CEP78: variants seen among roughly 807,000 people sequenced by gnomAD.
CEP78 encodes centrosomal protein of 78 kDa.
Under a neutral mutation model 81.2 loss-of-function variants are expected in CEP78, and 76 were observed. The observed-to-expected ratio is 0.94, with a 90% CI of 0.78 to 1.13. The LOEUF is 1.13. Ranked by LOEUF, CEP78 falls within the 50% of genes most tolerant of loss-of-function variation. CEP78 has a pLI of 0.00. For missense variants in CEP78, 918 were observed against 846.8 expected (o/e 1.08, Z -1.04); for synonymous variants, 293 against 301.4 (o/e 0.97, Z 0.29).
chr9:78,250,209 A>G (rs1432982586), intron 8 of CEP78: 2 of 398,028 alleles, frequency 5.0e-6, no homozygotes, highest in Non-Finnish European at 8.9e-6. Context: ...TTTTAAGAGT[A>G]ACTTTATTTC....
chr9:78,266,367 A>G, intron 15 of CEP78, 75 bp from the exon 16 acceptor site: 1 of 1,086,860 alleles, frequency 9.2e-7, no homozygotes, highest in East Asian at 2.4e-5. Flanking sequence ...ACAGAATAAC[A>G]TTGACGTTTT....
In CEP78 at chr9:78,251,932, G is replaced by A. The variant is rs756597932; in HGVS notation, c.1094G>A (p.Ser365Asn). 1 of 1,608,244 alleles carries A rather than the reference G, an allele frequency of 6.2e-7. No individual in the cohort carries two copies. The highest frequency in any genetic ancestry group is 8.5e-7 in the Non-Finnish European group (1 of 1,176,008). Reference sequence around the variant, plus strand: ...GGATTGGCTACAAAGAAACCTGTAAGTAGTGGCAGAAAACACTCCCTTGGT... The same window carrying A: ...GGATTGGCTACAAAGAAACCTGTAAATAGTGGCAGAAAACACTCCCTTGGT... The part of the protein sequence containing the change: ...RIGLATKKPV[S>N]SGRKHSLGKE... The change falls in exon 9 of 17, where the codon AGT (serine) becomes AAT (asparagine). Residue 365 changes from serine to asparagine, a missense_variant. Physicochemically the swap from Ser to Asn is conservative, Grantham distance 46. Coordinates refer to ENST00000643273, the MANE Select transcript of CEP78 (RefSeq NM_001330691.3).
Position 78,277,354 on chromosome 9 carries a change from T to C in CEP78, c.*6503T>C, listed in dbSNP as rs1455619850. Reference sequence around the variant, plus strand: ...TACAAAACTTTGATAAAATTAGATTTCATAAATAAAGGAGTGGGAAAATAC... The same window carrying C: ...TACAAAACTTTGATAAAATTAGATTCCATAAATAAAGGAGTGGGAAAATAC... On this transcript the variant is annotated 3_prime_UTR_variant, in exon 17 of 17. Transcript: ENST00000643273. 6.6e-6 allele frequency: 1 copy of C among 152,080 alleles called. No individual in the cohort carries two copies. Among genetic ancestry groups the C allele is most frequent in the Non-Finnish European group, 1.5e-5 (1 of 67,990 alleles). 9.4% of individuals were successfully genotyped at this position (152,080 alleles called of 1,614,324 possible).
At chr9:78,267,495 C>A (rs1037149342) in intron 16 of CEP78, among the ~76,000 whole-genome samples, 1 of 152,026 alleles carries the variant, frequency 6.6e-6, no homozygotes, top group Non-Finnish European at 1.5e-5. Context: ...TTATAGCAAC[C>A]CTATAAGATA....
chr9:78,237,788 T>C (rs745658244), intron 1 of CEP78, among the ~76,000 whole-genome samples: 7 of 151,960 alleles, frequency 4.6e-5, no homozygotes, highest in African/African-American at 7.3e-5. Context: ...TGTAATCTAA[T>C]GGCCCAAACT....
chr9:78,236,108 G>A lies in CEP78; in HGVS notation c.-243G>A, dbSNP rs540902972. 1.7e-5 allele frequency: 9 copies of A among 527,918 alleles called. No individual in the cohort carries two copies. The highest frequency in any genetic ancestry group is 3.0e-5 in the Non-Finnish European group (9 of 300,604). The allele number at this position is 527,918 out of a possible 1,614,324, so 32.7% of individuals were successfully genotyped here. ...TCCCGGCGCCTCAGAGGACTATGAG[G>A]CGGGCGCCAACTGCTTGGGCCGCAG... is the stretch of plus-strand genomic sequence containing the variant. On this transcript the variant is annotated 5_prime_UTR_variant, in exon 1 of 17. Coordinates refer to ENST00000643273, the MANE Select transcript of CEP78 (RefSeq NM_001330691.3).
intron 10 of CEP78, 63 bp downstream of exon 10, chr9:78,253,340 T>C: frequency 1.3e-6 from 1 of 794,850 alleles, no homozygotes; most frequent in Non-Finnish European, 2.2e-6. Flanking sequence ...AAGATCATTC[T>C]CTGTGCTCTT....
chr9:78,245,184 A>G (rs112771251), intron 5 of CEP78, among the ~76,000 whole-genome samples: 15 of 151,604 alleles, frequency 9.9e-5, no homozygotes, highest in Non-Finnish European at 5.9e-5. Context: ...AATATTCTAT[A>G]TTATATATAG....
intron 5 of CEP78, among the ~76,000 whole-genome samples, chr9:78,244,842 G>T (rs138906061): frequency 2.6e-5 from 4 of 152,220 alleles, no homozygotes; most frequent in African/African-American, 7.2e-5. Flanking sequence ...ACGTGTTGTT[G>T]CCCGTGTCTC....
At position 78,266,697 on chromosome 9, in the gene CEP78, A is replaced by C; in HGVS notation, c.2101A>C (p.Lys701Gln). Residue 701 changes from lysine to glutamine, a missense_variant, in exon 16 of 17, where the codon AAA becomes CAA. By Grantham distance (53) the Lys-to-Gln change is moderately conservative. Transcript: ENST00000643273. ...NSRSSSEKKT[K>Q]TESH is the part of the protein sequence containing the mutation. ...CAGATCTTCTTCAGAGAAAAAGACCAAAACAGGTGAATATACCAAAAAACA... is the reference window on the plus strand; with the variant it reads ...CAGATCTTCTTCAGAGAAAAAGACCCAAACAGGTGAATATACCAAAAAACA... 6.2e-7 allele frequency: 1 copy of C among 1,612,024 alleles called. No homozygotes were observed. The highest frequency in any genetic ancestry group is 1.3e-5 in the African/African-American group (1 of 75,032).
At chr9:78,264,656 A>AG (rs1484622760) in intron 13 of CEP78, among the ~76,000 whole-genome samples, 4 of 151,766 alleles carry the variant, frequency 2.6e-5, no homozygotes, top group Admixed American at 2.0e-4. Context: ...AAAAAAAAAA[A>AG]AAAAAAAAAG....
chr9:78,269,310 T>C (rs1827640812), intron 16 of CEP78, among the ~76,000 whole-genome samples: 2 of 152,088 alleles, frequency 1.3e-5, no homozygotes, highest in African/African-American at 4.8e-5. Flanking sequence ...GCTGAGAATA[T>C]GGGATAAAGA....
chr9:78,250,433 G>T, intron 8 of CEP78: 1 of 383,426 alleles, frequency 2.6e-6, no homozygotes, highest in Non-Finnish European at 4.6e-6. Context: ...AATTAGTTTG[G>T]TTTTAATTAA....
chr9:78,243,346 GCAT>G (rs1335027078), intron 4 of CEP78, 113 bp from the exon 5 acceptor site: 1 of 759,088 alleles, frequency 1.3e-6, no homozygotes, highest in Non-Finnish European at 2.0e-6. Context: ...AACCCACCTG[GCAT>G]ATGTACCTGG....
intron 15 of CEP78, 58 bp from the exon 16 acceptor site, chr9:78,266,384 G>A (rs532284045): frequency 9.0e-6 from 12 of 1,338,414 alleles, no homozygotes; most frequent in Non-Finnish European, 1.2e-5. Context: ...TTTTGAACTC[G>A]ATTTTTAAAT....
chr9:78,270,531 C>T (rs1827668639), intron 16 of CEP78, among the ~76,000 whole-genome samples: 1 of 152,156 alleles, frequency 6.6e-6, no homozygotes, highest in Admixed American at 6.5e-5. Flanking sequence ...TGTATGCAAA[C>T]AGGACCCTTT....
chr9:78,259,080 T>C (rs568781848), intron 11 of CEP78, among the ~76,000 whole-genome samples: 11 of 152,200 alleles, frequency 7.2e-5, no homozygotes, highest in Admixed American at 2.0e-4. Flanking sequence ...AACAACCCGA[T>C]GTCCATTAAG....
At position 78,236,173 on chromosome 9, in the gene CEP78, C is replaced by A; in HGVS notation, c.-178C>A. On this transcript the variant is annotated 5_prime_UTR_variant, in exon 1 of 17. Transcript: ENST00000643273. ...CGGGAGTGGGGCGTTGAGGGGCCGG[C>A]CTAGCTTGGGGCTCTGGCCTTGCGT... 1.7e-6 allele frequency: 1 copy of A among 597,804 alleles called. No homozygotes were observed. Among genetic ancestry groups the A allele is most frequent in the East Asian group, 3.2e-5 (1 of 31,234 alleles). 37.0% of individuals were successfully genotyped at this position (597,804 alleles called of 1,614,324 possible). A position where few individuals can be genotyped will look rare whatever the true frequency, so the allele number is the denominator to read the frequency against.
intron 5 of CEP78, among the ~76,000 whole-genome samples, chr9:78,244,109 T>C (rs1444311892): frequency 6.6e-6 from 1 of 151,452 alleles, no homozygotes; most frequent in Non-Finnish European, 1.5e-5. Context: ...TCCTTATGTA[T>C]ACATCTCTGT....
Sources: gnomAD v4.1 joint callset for allele counts (sites outside exome capture counted in the v4.1 genomes callset) on GRCh38, gnomAD v4.1.1 for gene constraint, MANE v1.5 for transcripts, NCBI Gene and HGNC (gene_info 2026-07-23, HGNC 2026-07-21) for gene names.